Variants in PKIA observed in about 807,000 individuals in gnomAD.
The protein encoded by PKIA is cAMP-dependent protein kinase inhibitor alpha.
PKIA carries 4 observed loss-of-function variants against 7.6 expected under a neutral mutation model. The ratio of observed to expected loss-of-function variants is 0.52; its 90% CI spans 0.26 to 1.20. PKIA has a LOEUF of 1.20. Ranked by LOEUF, PKIA falls within the 50% of genes most tolerant of loss-of-function variation. The probability of loss-of-function intolerance (pLI) is 0.13; values close to 1 mark genes in which losing one functional copy is unlikely to be tolerated. For missense variants in PKIA, 73 were observed against 86.2 expected, an observed-to-expected ratio of 0.85 and a Z score of 0.61; for synonymous variants, 21 against 30.7, an observed-to-expected ratio of 0.68 and a Z score of 1.04.
intron 2 of PKIA, among the ~76,000 whole-genome samples, chr8:78,595,880 G>GTGTA (rs938688051): frequency 1.6e-4 from 25 of 152,294 alleles, no homozygotes; most frequent in African/African-American, 5.8e-4. Flanking sequence ...ATTCCTTTGG[G>GTGTA]TGTATACCCA....
chr8:78,577,457 A>G (rs149079343), intron 2 of PKIA, among the ~76,000 whole-genome samples: 17 of 152,006 alleles, frequency 1.1e-4, no homozygotes, highest in African/African-American at 3.4e-4. Context: ...GAGTTTACCT[A>G]TATAACAACC....
intron 1 of PKIA, among the ~76,000 whole-genome samples, chr8:78,543,964 C>T (rs1806758707): frequency 6.6e-6 from 1 of 152,108 alleles, no homozygotes. Flanking sequence ...CTCCACAAGT[C>T]TCCTTTCAAG....
chr8:78,534,018 CAAGT>C (rs1265306285), intron 1 of PKIA: 9 of 152,160 alleles, frequency 5.9e-5, no homozygotes, highest in East Asian at 3.9e-4. Context: ...TTAAAACAAG[CAAGT>C]GTTTATTCAA....
intron 1 of PKIA, among the ~76,000 whole-genome samples, chr8:78,524,411 C>G (rs1214668769): frequency 1.3e-5 from 2 of 151,334 alleles, no homozygotes; most frequent in African/African-American, 4.8e-5. Context: ...TCACGTGGCT[C>G]TCAAGGAAGT....
rs577141356 is a variant in PKIA at position 78,538,531 on chromosome 8, A to G, written c.-157+22063A>G. On this transcript the variant is annotated intron_variant, in intron 1 of 3. Coordinates refer to ENST00000396418, the MANE Select transcript of PKIA (RefSeq NM_006823.4). ...GTAAATAACAGTGATTCTGGTGTCCAAACTGTCACAAAGACAACCACTGCC... is the reference window on the plus strand; with the variant it reads ...GTAAATAACAGTGATTCTGGTGTCCGAACTGTCACAAAGACAACCACTGCC... 2.0e-5 allele frequency among the ~76,000 whole-genome samples: 3 copies of G among 152,168 alleles called. No individual in the cohort carries two copies. The East Asian group carries it at 5.8e-4, about 29-fold the overall frequency.
chr8:78,560,663 T>A (rs1489467332), intron 1 of PKIA, among the ~76,000 whole-genome samples: 1 of 152,200 alleles, frequency 6.6e-6, no homozygotes, highest in African/African-American at 2.4e-5. Flanking sequence ...AACTATGGCC[T>A]TGATATTTAG....
chr8:78,517,970 C>A lies in PKIA; in HGVS notation c.-157+1502C>A, dbSNP rs995231187. ...ATTTTAGTAAATTAAATTAGAAGAT[C>A]AATGAAAAAGAGGGGCAGAGTTGGT... On this transcript the variant is annotated intron_variant, in intron 1 of 3. Transcript: ENST00000396418. Among the ~76,000 whole-genome samples the A allele has an allele frequency of 3.9e-5, 6 of 152,188 alleles. No homozygotes were observed. In the South Asian group the frequency reaches 1.2e-3, roughly 32 times the overall value.
At chr8:78,596,161 T>C (rs974769434) in intron 2 of PKIA, among the ~76,000 whole-genome samples, 31 of 152,184 alleles carry the variant, frequency 2.0e-4, no homozygotes, top group Admixed American at 2.0e-3. Context: ...CACATGTGTG[T>C]CTTCTTTTGA....
chr8:78,580,671 G>A (rs1385686485), intron 2 of PKIA, among the ~76,000 whole-genome samples: 3 of 152,032 alleles, frequency 2.0e-5, no homozygotes, highest in Admixed American at 6.6e-5. Context: ...TGGGGAGAAT[G>A]TTATAATGGG....
At chr8:78,546,555 C>G (rs781470950) in intron 1 of PKIA, among the ~76,000 whole-genome samples, 1 of 152,042 alleles carries the variant, frequency 6.6e-6, no homozygotes, top group African/African-American at 2.4e-5. Context: ...CCTATTACCT[C>G]AAAATAAGGG....
chr8:78,582,890 A>G (rs1291352015), intron 2 of PKIA, among the ~76,000 whole-genome samples: 1 of 152,142 alleles, frequency 6.6e-6, no homozygotes, highest in Non-Finnish European at 1.5e-5. Context: ...TAAATCATCC[A>G]TGTCAGGCCA....
At chr8:78,551,409 G>C (rs974706742) in intron 1 of PKIA, among the ~76,000 whole-genome samples, 1 of 151,972 alleles carries the variant, frequency 6.6e-6, no homozygotes, top group Non-Finnish European at 1.5e-5. Context: ...CACTTCATAA[G>C]TGCAGAAACT....
At chr8:78,541,231 C>G (rs1806678739) in intron 1 of PKIA, among the ~76,000 whole-genome samples, 1 of 152,048 alleles carries the variant, frequency 6.6e-6, no homozygotes, top group African/African-American at 2.4e-5. Flanking sequence ...ATTTAACTCT[C>G]ACAAGTATTA....
rs1362464017 is a variant in PKIA, at chr8:78,602,823, G to C, written c.*1002G>C. The C allele has an allele frequency of 1.3e-5, 2 of 152,036 alleles. No individual in the cohort carries two copies. Among genetic ancestry groups the C allele is most frequent in the African/African-American group, 4.8e-5 (2 of 41,292 alleles). 9.4% of individuals were successfully genotyped at this position (152,036 alleles called of 1,614,324 possible). A position where few individuals can be genotyped will look rare whatever the true frequency, so the allele number is the denominator to read the frequency against. On this transcript the variant is annotated 3_prime_UTR_variant, in exon 4 of 4. Transcript: ENST00000396418. ...ATGGAATCAAATTTCTCACAATGCT[G>C]TATGATACTATTTAAATTTGGAGGA...
chr8:78,592,718 T>G (rs992689659), intron 2 of PKIA, among the ~76,000 whole-genome samples: 2 of 152,208 alleles, frequency 1.3e-5, no homozygotes, highest in African/African-American at 4.8e-5. Flanking sequence ...CCAGGATCTT[T>G]TAAAATTCCC....
chr8:78,550,140 T>G (rs1048799341), intron 1 of PKIA, among the ~76,000 whole-genome samples: 2 of 152,092 alleles, frequency 1.3e-5, no homozygotes, highest in African/African-American at 4.8e-5. Context: ...TCAATTCTGC[T>G]GAAATAAAAG....
Position 78,556,672 on chromosome 8 carries a change from A to G in PKIA, c.-156-16139A>G, listed in dbSNP as rs1380688609. On this transcript the variant is annotated intron_variant, in intron 1 of 3. Coordinates refer to ENST00000396418, the MANE Select transcript of PKIA (RefSeq NM_006823.4). The stretch of plus-strand genomic sequence containing the variant: ...AATTCTTTTTAATTTTTGAGATTTA[A>G]AATATTACTGAACTTTGTTTGAGTT... 7.2e-5 allele frequency: 11 copies of G among 152,244 alleles called. No individual in the cohort carries two copies. In the East Asian group the frequency reaches 2.1e-3, roughly 29 times the overall value. The allele number at this position is 152,244 out of a possible 1,614,324, so 9.4% of individuals were successfully genotyped here. A position where few individuals can be genotyped will look rare whatever the true frequency, so the allele number is the denominator to read the frequency against.
At chr8:78,524,130 T>TTA (rs922447484) in intron 1 of PKIA, among the ~76,000 whole-genome samples, 7 of 131,254 alleles carry the variant, frequency 5.3e-5, no homozygotes, top group Non-Finnish European at 1.1e-4. Flanking sequence ...ACATTTATAT[T>TTA]TATATATAAA....
intron 2 of PKIA, among the ~76,000 whole-genome samples, chr8:78,588,558 A>AGATGACTATTGTG (rs1285083336): frequency 1.3e-5 from 2 of 152,226 alleles, no homozygotes; most frequent in African/African-American, 4.8e-5. Context: ...GACTATTGTG[A>AGATGACTATTGTG]AAAGACTATT....
Sources: allele counts gnomAD v4.1 joint callset (sites outside exome capture counted in the v4.1 genomes callset), GRCh38; gene constraint gnomAD v4.1.1; transcripts MANE v1.5; gene names NCBI Gene and HGNC (gene_info 2026-07-23, HGNC 2026-07-21).